The following PLA2G4B variants were observed in gnomAD, a reference collection of about 807,000 sequenced individuals.
The protein encoded by PLA2G4B is phospholipase A2 group IVB, also known as cytosolic phospholipase A2 beta.
PLA2G4B carries 122 observed loss-of-function variants against 95.8 expected under a neutral mutation model. That is an observed-to-expected ratio of 1.27 (90% confidence interval 1.10 to 1.48). The LOEUF is 1.48. Among genes scored for constraint, PLA2G4B ranks in the 40% most tolerant of loss-of-function variants. PLA2G4B has a pLI of 0.00. For missense variants in PLA2G4B, 1,158 were observed against 996.2 expected (o/e 1.16, Z -2.19); for synonymous variants, 518 against 421.5 (o/e 1.23, Z -2.80).
intron 11 of PLA2G4B, 46 bp downstream of exon 11, chr15:41,843,857 C>G: frequency 1.2e-6 from 2 of 1,603,088 alleles, no homozygotes; most frequent in Non-Finnish European, 1.7e-6. Flanking sequence ...TTGCTTGGGC[C>G]TAGCTCCTGG....
intron 8 of PLA2G4B, 111 bp downstream of exon 8, chr15:41,842,060 ATG>A: frequency 6.4e-7 from 1 of 1,560,396 alleles, no homozygotes; most frequent in Non-Finnish European, 8.7e-7. Context: ...CCCTGGCAGC[ATG>A]TGTGGGCCCA....
chr15:41,838,973 TG>T, intron 1 of PLA2G4B, 51 bp downstream of exon 1: 3 of 1,442,252 alleles, frequency 2.1e-6, no homozygotes, highest in Non-Finnish European at 9.5e-7. Flanking sequence ...GGTCTCTACC[TG>T]GGGCCTAGTT....
In PLA2G4B at chr15:41,843,717, C is replaced by T. The variant is rs1475084029; in HGVS notation, c.785C>T (p.Ala262Val). 6 of 1,613,998 alleles carry T rather than the reference C, an allele frequency of 3.7e-6. No individual in the cohort carries two copies. The highest frequency in any genetic ancestry group is 1.1e-5 in the South Asian group (1 of 91,078). Residue 262 changes from alanine to valine, a missense_variant, in exon 11 of 20, where the codon GCA becomes GTA. Transcript: ENST00000458483. ...GTGCGACTGGGCTTCGGGCCCTGTG[C>T]AGAGGAGCAGGCCTTCCTGAGCAGG... ...LAVRLGFGPCAEEQAFLSRRK... is the reference protein window; with the variant it reads ...LAVRLGFGPCVEEQAFLSRRK...
chr15:41,840,141 C>T lies in PLA2G4B; in HGVS notation c.10-17C>T. Reference sequence around the variant, plus strand: ...TTCATCGGCCCGTAGCAGGTCTCCCCTCTCCCACCTCTGCAGGCAGAGGTG... The same window carrying T: ...TTCATCGGCCCGTAGCAGGTCTCCCTTCTCCCACCTCTGCAGGCAGAGGTG... On this transcript the variant is annotated splice_polypyrimidine_tract_variant and intron_variant, in intron 1 of 19. Coordinates refer to ENST00000458483, the MANE Select transcript of PLA2G4B (RefSeq NM_001114633.2). 1.2e-6 allele frequency: 2 copies of T among 1,612,280 alleles called. No homozygotes were observed. Among genetic ancestry groups the T allele is most frequent in the Non-Finnish European group, 1.7e-6 (2 of 1,179,384 alleles).
At chr15:41,843,840 C>T (rs781358117) in intron 11 of PLA2G4B, 29 bp downstream of exon 11, 2 of 1,609,316 alleles carry the variant, frequency 1.2e-6, no homozygotes, top group Admixed American at 3.3e-5. Context: ...ATGGGGTGTC[C>T]CCGGGCTTGC....
At position 41,845,662 on chromosome 15, in the gene PLA2G4B, AG is replaced by A; in HGVS notation, c.1384del (p.Val462SerfsTer24). 6.2e-7 allele frequency: 1 copy of A among 1,614,134 alleles called. No individual in the cohort carries two copies. The highest frequency in any genetic ancestry group is 8.5e-7 in the Non-Finnish European group (1 of 1,180,008). On this transcript the variant is annotated frameshift_variant, in exon 15 of 20. Transcript: ENST00000458483. LOFTEE classifies it high-confidence loss of function. The part of the protein sequence containing the change: ...FGEWCEFSPY[E>X]VGFPKYGAFI... The stretch of plus-strand genomic sequence containing the variant: ...GAGTGGTGCGAGTTCTCTCCCTACG[AG>A]GTCGGCTTCCCCAAGTACGGGGCCT...
Position 41,844,974 on chromosome 15 carries a change from G to A in PLA2G4B, c.1143G>A (p.Arg381=). The A allele has an allele frequency of 1.2e-6, 2 of 1,610,840 alleles. No individual in the cohort carries two copies. Among genetic ancestry groups the A allele is most frequent in the Non-Finnish European group, 1.7e-6 (2 of 1,178,786 alleles). Residue 381 remains arginine, a synonymous_variant, in exon 13 of 20, where the codon CGG becomes CGA. Transcript: ENST00000458483. ...LGVLAPSQLQ[R]YRQELAERAR... is the part of the protein sequence containing the mutation. ...TGCTGGCCCCCAGCCAGCTGCAGCGGTACCGGCAGGAGCTGGCCGAGCGTG... is the reference window on the plus strand; with the variant it reads ...TGCTGGCCCCCAGCCAGCTGCAGCGATACCGGCAGGAGCTGGCCGAGCGTG...
intron 6 of PLA2G4B, 94 bp from the exon 7 acceptor site, chr15:41,841,423 G>A (rs1893441261): frequency 6.2e-7 from 1 of 1,609,764 alleles, no homozygotes; most frequent in African/African-American, 1.3e-5. Flanking sequence ...CCCAGGTAAT[G>A]AAGTGCAGAC....
At chr15:41,847,221 C>T (rs960378040) in intron 18 of PLA2G4B, 116 bp from the exon 19 acceptor site, 7 of 1,450,610 alleles carry the variant, frequency 4.8e-6, no homozygotes, top group Non-Finnish European at 6.4e-6. Flanking sequence ...CTTCATAGGC[C>T]CCACTGGAGA....
At position 41,840,920 on chromosome 15, in the gene PLA2G4B, C is replaced by T. The variant is rs756162261; in HGVS notation, c.351+15C>T. On this transcript the variant is annotated intron_variant, in intron 4 of 19. Coordinates refer to ENST00000458483, the MANE Select transcript of PLA2G4B (RefSeq NM_001114633.2). The stretch of plus-strand genomic sequence containing the variant: ...TGAGCCCTCAGGCAAGGCGGTGTTT[C>T]CACGGCAGCCCTAGCTGGTGTCTGG... The T allele has an allele frequency of 1.9e-5, 30 of 1,609,794 alleles. No homozygotes were observed. The highest frequency in any genetic ancestry group is 2.3e-5 in the Non-Finnish European group (27 of 1,176,968).
At chr15:41,846,548 C>T (rs2065550786) in intron 17 of PLA2G4B, 121 bp from the exon 18 acceptor site, 17 of 1,509,632 alleles carry the variant, frequency 1.1e-5, no homozygotes, top group Non-Finnish European at 9.8e-6. Flanking sequence ...GGCCCACCTG[C>T]AGGGCTGTGG....
chr15:41,846,917 T>C, intron 18 of PLA2G4B, 82 bp downstream of exon 18: 4 of 1,462,690 alleles, frequency 2.7e-6, no homozygotes, highest in Non-Finnish European at 3.7e-6. Context: ...GTCCAGTGTC[T>C]GGTTCAGCTT....
chr15:41,846,404 C>T (rs1243776898), intron 17 of PLA2G4B, 22 bp downstream of exon 17: 1 of 1,589,882 alleles, frequency 6.3e-7, no homozygotes, highest in Non-Finnish European at 8.6e-7. Context: ...TCTCCAAAGT[C>T]CTCCTGTGGC....
Position 41,841,102 on chromosome 15 carries a change from CAG to C in PLA2G4B, c.392+8_392+9del, listed in dbSNP as rs767441462. ...AATTTCGCCTGCAGAGTCTGTGAGT[CAG>C]GGGCCTGGGGCAGTTTGGGTGGGAG... On this transcript the variant is annotated splice_region_variant and intron_variant, in intron 5 of 19. Coordinates refer to ENST00000458483, the MANE Select transcript of PLA2G4B (RefSeq NM_001114633.2). The C allele has an allele frequency of 1.4e-5, 22 of 1,601,542 alleles. No individual in the cohort carries two copies. The highest frequency in any genetic ancestry group is 8.4e-5 in the Admixed American group (5 of 59,412).
intron 2 of PLA2G4B, 49 bp downstream of exon 2, chr15:41,840,279 G>A (rs558348016): frequency 1.3e-6 from 2 of 1,588,104 alleles, no homozygotes; most frequent in African/African-American, 1.3e-5. Flanking sequence ...GGAGGAGGAG[G>A]GTGCTGAGGA....
Position 41,846,278 on chromosome 15 carries a change from ATCT to A in PLA2G4B, c.1680_1682del (p.Leu561del), listed in dbSNP as rs1567172847. The A allele has an allele frequency of 1.2e-6, 2 of 1,614,064 alleles. No homozygotes were observed. The highest frequency in any genetic ancestry group is 2.2e-5 in the South Asian group (2 of 91,080). On this transcript the variant is annotated inframe_deletion, in exon 17 of 20. Coordinates refer to ENST00000458483, the MANE Select transcript of PLA2G4B (RefSeq NM_001114633.2). ...GGCAGGATAGCTGAGTTTTTCACCG[ATCT>A]TCTGACGTGGCGTCCACTGGCCCAG...
At chr15:41,839,209 C>A (rs2065379916) in intron 1 of PLA2G4B, 2 of 332,096 alleles carry the variant, frequency 6.0e-6, no homozygotes, top group Non-Finnish European at 1.1e-5. Context: ...CCCTGAGGCC[C>A]TGGAAGCAAG....
intron 8 of PLA2G4B, 111 bp downstream of exon 8, chr15:41,842,060 A>T: frequency 1.9e-6 from 3 of 1,560,396 alleles, no homozygotes; most frequent in Non-Finnish European, 1.7e-6. Flanking sequence ...CCCTGGCAGC[A>T]TGTGTGGGCC....
At chr15:41,842,069 C>T (rs2065441977) in intron 8 of PLA2G4B, 120 bp downstream of exon 8, 5 of 1,560,036 alleles carry the variant, frequency 3.2e-6, no homozygotes, top group African/African-American at 1.4e-5. Flanking sequence ...CATGTGTGGG[C>T]CCATGCTGGC....
Sources: allele counts gnomAD v4.1 joint callset, GRCh38; gene constraint gnomAD v4.1.1; transcripts MANE v1.5; gene names NCBI Gene and HGNC (gene_info 2026-07-23, HGNC 2026-07-21).